The following TAF3 variants were observed in gnomAD, a reference collection of about 807,000 sequenced individuals.
The protein encoded by TAF3 is transcription initiation factor TFIID subunit 3.
In TAF3, 7 loss-of-function variants were observed where a neutral mutation model predicts 80.6. The observed-to-expected ratio is 0.09, with a 90% CI of 0.05 to 0.16. TAF3 has a LOEUF of 0.16. TAF3 is among the 10% of genes least tolerant of loss of function. TAF3 has a pLI of 1.00. For missense variants in TAF3, 921 were observed against 1,140.2 expected, an observed-to-expected ratio of 0.81 and a Z score of 2.77; for synonymous variants, 444 against 446.1, an observed-to-expected ratio of 1.00 and a Z score of 0.06.
chr10:7,908,395 A>C (rs1837625266), intron 2 of TAF3, among the ~76,000 whole-genome samples: 1 of 152,176 alleles, frequency 6.6e-6, no homozygotes. Flanking sequence ...TAATTAATCA[A>C]AATCTCCTCA....
At chr10:7,866,143 C>T (rs1274134885) in intron 2 of TAF3, among the ~76,000 whole-genome samples, 4 of 152,182 alleles carry the variant, frequency 2.6e-5, no homozygotes, top group Non-Finnish European at 2.9e-5. Flanking sequence ...TTTCTAAGTT[C>T]CTCCAGTATG....
chr10:7,860,379 C>CT (rs774154293), intron 2 of TAF3, among the ~76,000 whole-genome samples: 5 of 152,014 alleles, frequency 3.3e-5, no homozygotes, highest in Non-Finnish European at 7.4e-5. Flanking sequence ...AGCATATGAT[C>CT]TATGAGAGAA....
intron 3 of TAF3, among the ~76,000 whole-genome samples, chr10:7,972,596 A>G (rs989207334): frequency 1.3e-5 from 2 of 152,194 alleles, no homozygotes; most frequent in Admixed American, 6.5e-5. Context: ...CATTAATTCA[A>G]CCAGTTGACT....
chr10:7,881,852 TA>T (rs1317130019), intron 2 of TAF3, among the ~76,000 whole-genome samples: 6 of 152,204 alleles, frequency 3.9e-5, no homozygotes, highest in Non-Finnish European at 8.8e-5. Flanking sequence ...GTTAACGCAT[TA>T]AAAAGAAAAG....
chr10:7,985,696 A>T (rs11255470), intron 4 of TAF3, among the ~76,000 whole-genome samples: 19,833 of 151,736 alleles, frequency 0.13, 1,778 homozygotes, highest in African/African-American at 0.26. Context: ...CCGTTTGGAC[A>T]CTGTCCCCTA....
At chr10:7,940,024 C>T (rs527423218) in intron 2 of TAF3, among the ~76,000 whole-genome samples, 89 of 152,070 alleles carry the variant, frequency 5.9e-4, no homozygotes, top group South Asian at 2.5e-3. Flanking sequence ...CACATTATTG[C>T]GAATTAGAGG....
chr10:7,825,593 GTC>G (rs1836732123), intron 2 of TAF3, among the ~76,000 whole-genome samples: 3 of 105,538 alleles, frequency 2.8e-5, no homozygotes, highest in Non-Finnish European at 4.1e-5. Flanking sequence ...GACATTATTT[GTC>G]TTTTTATGAC....
chr10:8,006,276 T>C, intron 4 of TAF3, among the ~76,000 whole-genome samples: 1 of 150,500 alleles, frequency 6.6e-6, no homozygotes, highest in Admixed American at 6.6e-5. Flanking sequence ...CTTGGGAGGC[T>C]AAGGCGGGAG....
In TAF3 at chr10:7,846,203, C is replaced by T. The variant is rs12782204; in HGVS notation, c.409+21643C>T. ...CGATCTCCTGACCTCGTGATCTGCC[C>T]GCCTTGGCCTCCCGAAGTGCTGGCA... On this transcript the variant is annotated intron_variant, in intron 2 of 6. Transcript: ENST00000344293. Among the ~76,000 whole-genome samples the T allele has an allele frequency of 5.6e-3, 848 of 152,180 alleles. 8 individuals are homozygous for T. The highest frequency in any genetic ancestry group is 0.024 in the South Asian group (116 of 4,822).
chr10:7,935,470 G>C (rs934558177), intron 2 of TAF3, among the ~76,000 whole-genome samples: 1 of 151,828 alleles, frequency 6.6e-6, no homozygotes, highest in Non-Finnish European at 1.5e-5. Flanking sequence ...TGTAGTCCCA[G>C]CTACTCAGGA....
intron 2 of TAF3, among the ~76,000 whole-genome samples, chr10:7,912,014 T>G (rs773505375): frequency 2.0e-5 from 3 of 152,244 alleles, no homozygotes; most frequent in Non-Finnish European, 2.9e-5. Context: ...TCCAGAATTC[T>G]GAAATCATAA....
At chr10:7,859,478 T>G (rs901710605) in intron 2 of TAF3, among the ~76,000 whole-genome samples, 1 of 152,116 alleles carries the variant, frequency 6.6e-6, no homozygotes, top group Admixed American at 6.5e-5. Flanking sequence ...GGGACCCATA[T>G]TCCAACATCG....
chr10:7,927,140 T>C (rs1837823471), intron 2 of TAF3, among the ~76,000 whole-genome samples: 1 of 152,236 alleles, frequency 6.6e-6, no homozygotes, highest in Non-Finnish European at 1.5e-5. Context: ...CAGAGAACAC[T>C]TTCTGAGTTA....
chr10:7,913,129 A>G (rs935826199), intron 2 of TAF3, among the ~76,000 whole-genome samples: 5 of 151,848 alleles, frequency 3.3e-5, no homozygotes, highest in African/African-American at 1.2e-4. Flanking sequence ...CTCTTCCTCT[A>G]TGGACACCAG....
chr10:7,964,417 A>G lies in TAF3; in HGVS notation c.907A>G (p.Lys303Glu), dbSNP rs1588568685. Residue 303 changes from lysine to glutamate, a missense_variant, in exon 3 of 7, where the codon AAA becomes GAA. By Grantham distance (56) the Lys-to-Glu change is moderately conservative. Around this residue, in one of 6 missense-constraint regions of TAF3, gnomAD observed 743 missense variants for 821.0 expected, o/e 0.90. Coordinates refer to ENST00000344293, the MANE Select transcript of TAF3 (RefSeq NM_031923.4). The surrounding 1 kb of genome is among the most constrained non-coding windows in gnomAD (Gnocchi z 4.1). ...GGTCGGAAGTCCTATTCGATCACCAAAAACTGTATCCAAAGAAAAGAAATC... is the reference window on the plus strand; with the variant it reads ...GGTCGGAAGTCCTATTCGATCACCAGAAACTGTATCCAAAGAAAAGAAATC... ...AMVGSPIRSP[K>E]TVSKEKKSPG... is the part of the protein sequence containing the mutation. 6.2e-7 allele frequency: 1 copy of G among 1,614,046 alleles called. No individual in the cohort carries two copies. Among genetic ancestry groups the G allele is most frequent in the South Asian group, 1.1e-5 (1 of 91,078 alleles).
chr10:7,842,151 GTTTTTTT>G (rs71505465), intron 2 of TAF3, among the ~76,000 whole-genome samples: 10 of 98,744 alleles, frequency 1.0e-4, no homozygotes, highest in Admixed American at 2.2e-4. Flanking sequence ...AATTAATATT[GTTTTTTT>G]TTTTTGTTTT....
Position 7,974,633 on chromosome 10 carries a change from T to C in TAF3, c.2233-2608T>C, listed in dbSNP as rs75347982. Among the ~76,000 whole-genome samples, 707 of 152,110 alleles carry C rather than the reference T, an allele frequency of 4.6e-3. 6 individuals carry two copies. The highest frequency in any genetic ancestry group is 0.028 in the East Asian group (147 of 5,182). On this transcript the variant is annotated intron_variant, in intron 3 of 6. Transcript: ENST00000344293. ...ATGAGAAGACCTATAATGGGAAAAC[T>C]GGGACATGAGGACATTGGCAAGGGT...
At chr10:7,986,800 CAG>C (rs550334034) in intron 4 of TAF3, among the ~76,000 whole-genome samples, 63 of 152,022 alleles carry the variant, frequency 4.1e-4, no homozygotes, top group South Asian at 2.3e-3. Context: ...AGCTAAGAAA[CAG>C]GGGAAAAAAG....
intron 2 of TAF3, among the ~76,000 whole-genome samples, chr10:7,920,271 A>G (rs115200138): frequency 0.011 from 1,671 of 150,650 alleles, 31 homozygotes; most frequent in African/African-American, 0.038. Context: ...TAATTTTTTA[A>G]TTTTAAAAAT....
Sources: allele counts gnomAD v4.1 joint callset (sites outside exome capture counted in the v4.1 genomes callset), GRCh38; gene constraint gnomAD v4.1.1; regional missense constraint gnomAD v4.1.1; non-coding constraint Gnocchi (gnomAD v3.1); transcripts MANE v1.5; gene names NCBI Gene and HGNC (gene_info 2026-07-23, HGNC 2026-07-21).